Variants in PLPP4 observed in about 807,000 individuals in gnomAD.
PLPP4 encodes phospholipid phosphatase 4.
In PLPP4, 20 loss-of-function variants were observed where a neutral mutation model predicts 32.2. That is an observed-to-expected ratio of 0.62 (90% confidence interval 0.44 to 0.90). The LOEUF is 0.90. PLPP4 is among the 40% of genes least tolerant of loss of function. The pLI, the probability that PLPP4 is intolerant of heterozygous loss-of-function variation, is 0.00. For missense variants in PLPP4, 257 were observed against 353.1 expected (o/e 0.73, Z 2.18); for synonymous variants, 127 against 133.0 (o/e 0.95, Z 0.31).
intron 3 of PLPP4, among the ~76,000 whole-genome samples, chr10:120,517,623 G>A (rs960657217): frequency 2.6e-5 from 4 of 152,186 alleles, no homozygotes; most frequent in African/African-American, 9.7e-5. Flanking sequence ...GATATGGCCA[G>A]TTGCCCCCAT....
At chr10:120,514,821 A>G (rs1845875545) in intron 3 of PLPP4, among the ~76,000 whole-genome samples, 1 of 152,168 alleles carries the variant, frequency 6.6e-6, no homozygotes, top group East Asian at 1.9e-4. Flanking sequence ...CACGTCACCT[A>G]AAAGTTACCC....
chr10:120,542,526 A>C (rs978854), intron 5 of PLPP4, among the ~76,000 whole-genome samples: 1 of 151,976 alleles, frequency 6.6e-6, no homozygotes, highest in Non-Finnish European at 1.5e-5. Context: ...ATGTTTATGA[A>C]AGATGGGATT....
intron 5 of PLPP4, among the ~76,000 whole-genome samples, chr10:120,563,763 G>A (rs1848548307): frequency 1.1e-5 from 1 of 88,874 alleles, no homozygotes; most frequent in South Asian, 4.2e-4. Context: ...TTGCGCCACT[G>A]CAGTCCGCAG....
chr10:120,577,111 A>G (rs1426507894), intron 6 of PLPP4, among the ~76,000 whole-genome samples: 1 of 152,236 alleles, frequency 6.6e-6, no homozygotes, highest in Non-Finnish European at 1.5e-5. Context: ...GCAAAGTGGT[A>G]TCATTGTTGC....
At position 120,543,353 on chromosome 10, in the gene PLPP4, C is replaced by T. The variant is rs12412235; in HGVS notation, c.445+22258C>T. On this transcript the variant is annotated intron_variant, in intron 5 of 6. Coordinates refer to ENST00000398250, the MANE Select transcript of PLPP4 (RefSeq NM_001030059.3). ...CCTTGCAGCTGCCTGTCTCAGGGTT[C>T]CCTGCTGTTATGGTTGGCCTGTTAC... Among the ~76,000 whole-genome samples, 1,320 of 152,284 alleles carry T rather than the reference C, an allele frequency of 8.7e-3. 71 individuals are homozygous for T. Among genetic ancestry groups the T allele is most frequent in the Admixed American group, 0.08 (1,224 of 15,288 alleles).
intron 2 of PLPP4, among the ~76,000 whole-genome samples, chr10:120,506,325 AT>A (rs2133872546): frequency 6.6e-6 from 1 of 152,334 alleles, no homozygotes; most frequent in African/African-American, 2.4e-5. Context: ...AAGATGAAAA[AT>A]ATTTTGTCAC....
At chr10:120,482,783 G>A (rs1335323005) in intron 1 of PLPP4, among the ~76,000 whole-genome samples, 2 of 151,978 alleles carry the variant, frequency 1.3e-5, no homozygotes, top group Non-Finnish European at 2.9e-5. Context: ...ATGGTGGCGG[G>A]TGCCTGTAGT....
intron 2 of PLPP4, among the ~76,000 whole-genome samples, chr10:120,511,478 C>G (rs932127481): frequency 6.6e-6 from 1 of 152,164 alleles, no homozygotes; most frequent in Non-Finnish European, 1.5e-5. Context: ...TCCTTCAAAA[C>G]CATGTTGTTC....
chr10:120,546,680 C>T (rs966219983), intron 5 of PLPP4, among the ~76,000 whole-genome samples: 12 of 152,190 alleles, frequency 7.9e-5, no homozygotes, highest in African/African-American at 2.9e-4. Context: ...CTATAGCCTA[C>T]CCTGCCTGGC....
At chr10:120,469,878 C>G (rs1848442503) in intron 1 of PLPP4, among the ~76,000 whole-genome samples, 1 of 152,090 alleles carries the variant, frequency 6.6e-6, no homozygotes, top group South Asian at 2.1e-4. Flanking sequence ...ATTGTATTAA[C>G]CTATTCATGG....
chr10:120,565,249 C>T (rs532932938), intron 5 of PLPP4, among the ~76,000 whole-genome samples: 11 of 152,042 alleles, frequency 7.2e-5, no homozygotes, highest in Admixed American at 4.6e-4. Context: ...AGCATTCCCT[C>T]GTGTATCAGC....
chr10:120,539,946 A>G (rs1350431668), intron 5 of PLPP4, among the ~76,000 whole-genome samples: 1 of 151,034 alleles, frequency 6.6e-6, no homozygotes, highest in Non-Finnish European at 1.5e-5. Context: ...GGTATTTTTG[A>G]GTGCCACCAG....
At chr10:120,525,361 C>G (rs1051936595) in intron 5 of PLPP4, among the ~76,000 whole-genome samples, 1 of 152,220 alleles carries the variant, frequency 6.6e-6, no homozygotes, top group Non-Finnish European at 1.5e-5. Context: ...TTTTAAAACT[C>G]TATTACAGTA....
chr10:120,530,747 C>T (rs1444521955), intron 5 of PLPP4, among the ~76,000 whole-genome samples: 2 of 152,150 alleles, frequency 1.3e-5, no homozygotes, highest in African/African-American at 2.4e-5. Context: ...TTACTAAATG[C>T]TTGTGTCAGT....
intron 5 of PLPP4, among the ~76,000 whole-genome samples, chr10:120,566,025 AT>A (rs1221726925): frequency 1.2e-4 from 18 of 152,090 alleles, no homozygotes; most frequent in African/African-American, 4.3e-4. Context: ...TAGAAATTCT[AT>A]TTGGTCTTTT....
intron 1 of PLPP4, among the ~76,000 whole-genome samples, chr10:120,463,745 G>A (rs1848182737): frequency 6.6e-6 from 1 of 152,144 alleles, no homozygotes; most frequent in African/African-American, 2.4e-5. Flanking sequence ...GAGTGCAGTG[G>A]CACAACCATA....
chr10:120,528,147 T>C (rs900577205), intron 5 of PLPP4, among the ~76,000 whole-genome samples: 5 of 134,668 alleles, frequency 3.7e-5, no homozygotes, highest in Non-Finnish European at 6.1e-5. Context: ...CGATCTCGGC[T>C]CACTGCAAGC....
intron 1 of PLPP4, among the ~76,000 whole-genome samples, chr10:120,497,807 G>C (rs1845039970): frequency 6.6e-6 from 1 of 152,142 alleles, no homozygotes; most frequent in South Asian, 2.1e-4. Flanking sequence ...TTGGGAGGCT[G>C]AGGCAGGCAG....
chr10:120,503,160 C>A (rs1845342933), intron 1 of PLPP4, among the ~76,000 whole-genome samples: 1 of 152,216 alleles, frequency 6.6e-6, no homozygotes, highest in African/African-American at 2.4e-5. Flanking sequence ...CCAAACCTCT[C>A]CTTGGCTCAA....
Sources: allele counts gnomAD v4.1 joint callset (sites outside exome capture counted in the v4.1 genomes callset), GRCh38; gene constraint gnomAD v4.1.1; transcripts MANE v1.5; gene names NCBI Gene and HGNC (gene_info 2026-07-23, HGNC 2026-07-21).